Variants in LHFPL3 observed in about 807,000 individuals in gnomAD.
LHFPL3 encodes LHFPL tetraspan subfamily member 3 protein.
LHFPL3 carries 5 observed loss-of-function variants against 19.3 expected under a neutral mutation model. That is an observed-to-expected ratio of 0.26 (90% confidence interval 0.14 to 0.54). The LOEUF is 0.54. LHFPL3 is among the 20% of genes least tolerant of loss of function. The pLI is 0.94. For missense variants in LHFPL3, 249 were observed against 307.4 expected (o/e 0.81, Z 1.42); for synonymous variants, 133 against 126.2 (o/e 1.05, Z -0.36).
intron 1 of LHFPL3, among the ~76,000 whole-genome samples, chr7:104,722,277 C>T (rs1385119219): frequency 6.6e-6 from 1 of 152,140 alleles, no homozygotes; most frequent in East Asian, 1.9e-4. Context: ...ATATACAGAT[C>T]CTTTTAGTTG....
At chr7:104,347,173 A>G (rs1221056798) in intron 1 of LHFPL3, among the ~76,000 whole-genome samples, 1 of 152,144 alleles carries the variant, frequency 6.6e-6, no homozygotes, top group Non-Finnish European at 1.5e-5. Flanking sequence ...TCCCAGAAAG[A>G]ACAAGAAGTA....
intron 1 of LHFPL3, among the ~76,000 whole-genome samples, chr7:104,432,196 C>G (rs1035182415): frequency 1.3e-5 from 2 of 152,170 alleles, no homozygotes; most frequent in African/African-American, 4.8e-5. Flanking sequence ...CTCTGGCCTC[C>G]CCAAGAGTTT....
intron 1 of LHFPL3, among the ~76,000 whole-genome samples, chr7:104,497,951 G>C (rs1793519068): frequency 6.6e-6 from 1 of 152,216 alleles, no homozygotes; most frequent in Non-Finnish European, 1.5e-5. Flanking sequence ...TGGGTTTTAG[G>C]GAGGGGAACC....
chr7:104,438,779 A>C (rs1792161943), intron 1 of LHFPL3, among the ~76,000 whole-genome samples: 1 of 152,082 alleles, frequency 6.6e-6, no homozygotes, highest in South Asian at 2.1e-4. Flanking sequence ...AATGAAATAC[A>C]AACAGCAGAG....
intron 1 of LHFPL3, among the ~76,000 whole-genome samples, chr7:104,375,433 C>T (rs575716203): frequency 6.6e-6 from 1 of 152,170 alleles, no homozygotes; most frequent in Admixed American, 6.5e-5. Flanking sequence ...GTTTGGCAAA[C>T]TAGTTGTAAC....
At chr7:104,759,979 G>C (rs761707754) in intron 2 of LHFPL3, among the ~76,000 whole-genome samples, 1 of 152,190 alleles carries the variant, frequency 6.6e-6, no homozygotes, top group Admixed American at 6.5e-5. Context: ...TATTATCGTC[G>C]CTCCTCAGAT....
intron 1 of LHFPL3, among the ~76,000 whole-genome samples, chr7:104,550,188 A>G (rs1411728612): frequency 6.6e-6 from 1 of 151,936 alleles, no homozygotes; most frequent in South Asian, 2.1e-4. Flanking sequence ...GCTCACCCAC[A>G]TTAGGAATTT....
intron 1 of LHFPL3, among the ~76,000 whole-genome samples, chr7:104,378,430 A>G (rs1342811769): frequency 6.6e-6 from 1 of 152,178 alleles, no homozygotes; most frequent in Non-Finnish European, 1.5e-5. Flanking sequence ...TGGATGTACT[A>G]TATTTATTCA....
At chr7:104,388,272 T>C (rs576809986) in intron 1 of LHFPL3, among the ~76,000 whole-genome samples, 2 of 152,310 alleles carry the variant, frequency 1.3e-5, no homozygotes, top group South Asian at 4.1e-4. Flanking sequence ...CTTTATGGTA[T>C]AATGATTTAT....
intron 1 of LHFPL3, among the ~76,000 whole-genome samples, chr7:104,611,299 C>T (rs186245093): frequency 2.2e-4 from 33 of 152,336 alleles, no homozygotes; most frequent in African/African-American, 7.2e-4. Context: ...ATTGAGACTT[C>T]TGCAGATTAG....
chr7:104,837,240 C>T (rs1791114853), intron 2 of LHFPL3, among the ~76,000 whole-genome samples: 3 of 152,214 alleles, frequency 2.0e-5, no homozygotes, highest in Admixed American at 6.5e-5. Context: ...ACCCTGATTC[C>T]CTGCTGGCCA....
At chr7:104,449,375 A>G (rs982526723) in intron 1 of LHFPL3, among the ~76,000 whole-genome samples, 1 of 152,198 alleles carries the variant, frequency 6.6e-6, no homozygotes, top group African/African-American at 2.4e-5. Context: ...AGCAAGGTAC[A>G]TATATTGAGT....
intron 2 of LHFPL3, among the ~76,000 whole-genome samples, chr7:104,847,074 G>A (rs910231553): frequency 2.0e-5 from 3 of 150,760 alleles, no homozygotes; most frequent in African/African-American, 7.5e-5. Flanking sequence ...CAGATGAGGA[G>A]CACACAGCCT....
intron 1 of LHFPL3, among the ~76,000 whole-genome samples, chr7:104,689,755 T>C (rs967355929): frequency 6.6e-6 from 1 of 152,184 alleles, no homozygotes; most frequent in East Asian, 1.9e-4. Flanking sequence ...CAAAGTATCA[T>C]TGTGGTCCTC....
At chr7:104,873,267 G>A (rs1791870063) in intron 2 of LHFPL3, among the ~76,000 whole-genome samples, 1 of 152,168 alleles carries the variant, frequency 6.6e-6, no homozygotes, top group East Asian at 1.9e-4. Flanking sequence ...TTTCTGTCAG[G>A]TTTATTTGGT....
At chr7:104,420,775 G>T (rs1791717146) in intron 1 of LHFPL3, among the ~76,000 whole-genome samples, 1 of 151,980 alleles carries the variant, frequency 6.6e-6, no homozygotes, top group Non-Finnish European at 1.5e-5. Context: ...TGTTAGCCAG[G>T]ATGGTCTCGA....
chr7:104,763,053 G>A (rs1054484053), intron 2 of LHFPL3, among the ~76,000 whole-genome samples: 5 of 152,232 alleles, frequency 3.3e-5, no homozygotes, highest in Non-Finnish European at 1.5e-5. Flanking sequence ...GTTGTTTACT[G>A]AGGCTACAAT....
At chr7:104,728,940 A>T (rs567425169) in intron 1 of LHFPL3, among the ~76,000 whole-genome samples, 1 of 152,306 alleles carries the variant, frequency 6.6e-6, no homozygotes, top group South Asian at 2.1e-4. Flanking sequence ...ATAACCAAAA[A>T]ATAGTATCCT....
intron 1 of LHFPL3, among the ~76,000 whole-genome samples, chr7:104,504,116 T>C (rs1053480235): frequency 2.0e-5 from 3 of 152,194 alleles, no homozygotes; most frequent in Non-Finnish European, 4.4e-5. Flanking sequence ...TATTTTCTAT[T>C]CCTTTCATCT....
Sources: allele counts gnomAD v4.1 joint callset (sites outside exome capture counted in the v4.1 genomes callset), GRCh38; gene constraint gnomAD v4.1.1; transcripts MANE v1.5; gene names NCBI Gene and HGNC (gene_info 2026-07-23, HGNC 2026-07-21).